Variants in DPP6 observed in about 807,000 individuals in gnomAD.
DPP6 encodes the protein A-type potassium channel modulatory protein DPP6.
DPP6 carries 69 observed loss-of-function variants against 122.6 expected under a neutral mutation model. The observed-to-expected ratio is 0.56, with a 90% CI of 0.46 to 0.69. The LOEUF (loss-of-function observed/expected upper bound fraction) is 0.69, where lower values mean the gene tolerates loss of function less well. Among genes scored for constraint, DPP6 ranks in the 30% least tolerant of loss-of-function variants. The pLI is 0.00. For missense variants in DPP6, 928 were observed against 1,116.9 expected, an observed-to-expected ratio of 0.83 and a Z score of 2.41; for synonymous variants, 418 against 433.1, an observed-to-expected ratio of 0.97 and a Z score of 0.43.
intron 1 of DPP6, among the ~76,000 whole-genome samples, chr7:154,233,899 C>T (rs1585695664): frequency 6.6e-6 from 1 of 152,198 alleles, no homozygotes; most frequent in Non-Finnish European, 1.5e-5. Flanking sequence ...TGATGATGCT[C>T]ATGACTACAG....
chr7:154,765,698 G>A (rs924388398), intron 8 of DPP6, among the ~76,000 whole-genome samples: 1 of 152,124 alleles, frequency 6.6e-6, no homozygotes, highest in African/African-American at 2.4e-5. Context: ...ATTGAACACC[G>A]ACTGTCCCCG....
chr7:154,859,913 C>T (rs1380352386), intron 17 of DPP6, among the ~76,000 whole-genome samples: 1 of 152,164 alleles, frequency 6.6e-6, no homozygotes, highest in African/African-American at 2.4e-5. Flanking sequence ...AGAAAGCGTG[C>T]GTGTGGCGGG....
chr7:154,874,865 C>A lies in DPP6; in HGVS notation c.1884-1041C>A, dbSNP rs181180828. 4.9e-3 allele frequency among the ~76,000 whole-genome samples: 747 copies of A among 152,346 alleles called. 4 individuals carry two copies. Among genetic ancestry groups the A allele is most frequent in the African/African-American group, 0.017 (713 of 41,582 alleles). On this transcript the variant is annotated intron_variant, in intron 19 of 25. Transcript: ENST00000377770. ...AGTATGCTGGTCAATGAGGAACAAC[C>A]AGTCCTGCATAGAAAATGGCCCTGT...
At chr7:154,284,184 CTG>C (rs1804704910) in intron 1 of DPP6, among the ~76,000 whole-genome samples, 1 of 152,090 alleles carries the variant, frequency 6.6e-6, no homozygotes, top group Non-Finnish European at 1.5e-5. Flanking sequence ...GTTGAGGGGA[CTG>C]TGAGATGCCT....
At chr7:153,929,871 A>G (rs759554797) in intron 1 of DPP6, among the ~76,000 whole-genome samples, 1 of 152,234 alleles carries the variant, frequency 6.6e-6, no homozygotes, top group Admixed American at 6.5e-5. Context: ...TTCATTTTCC[A>G]TAATTCTAAG....
intron 7 of DPP6, among the ~76,000 whole-genome samples, chr7:154,708,841 A>G (rs1277395906): frequency 6.6e-6 from 1 of 152,178 alleles, no homozygotes; most frequent in Non-Finnish European, 1.5e-5. Flanking sequence ...TGAGGTCAGG[A>G]GTTCGAGACC....
chr7:154,234,555 T>G (rs1801091748), intron 1 of DPP6, among the ~76,000 whole-genome samples: 1 of 152,102 alleles, frequency 6.6e-6, no homozygotes, highest in South Asian at 2.1e-4. Flanking sequence ...TTGAGGGGCT[T>G]AGATATTATC....
intron 1 of DPP6, among the ~76,000 whole-genome samples, chr7:154,404,460 A>G (rs1815900456): frequency 2.0e-5 from 3 of 152,320 alleles, no homozygotes; most frequent in South Asian, 4.1e-4. Context: ...ATTTACCACA[A>G]ATAAGAAGGA....
intron 1 of DPP6, among the ~76,000 whole-genome samples, chr7:154,444,749 G>T (rs2151286767): frequency 6.6e-6 from 1 of 152,354 alleles, no homozygotes; most frequent in Non-Finnish European, 1.5e-5. Flanking sequence ...GAAATGAAAA[G>T]CTGCTGAATT....
At chr7:154,430,015 G>A (rs1483046589) in intron 1 of DPP6, among the ~76,000 whole-genome samples, 5 of 152,066 alleles carry the variant, frequency 3.3e-5, no homozygotes, top group African/African-American at 9.7e-5. Flanking sequence ...AGAGTCAGAC[G>A]GCAAGTTTCC....
At chr7:154,399,518 T>C (rs909782888) in intron 1 of DPP6, among the ~76,000 whole-genome samples, 8 of 152,210 alleles carry the variant, frequency 5.3e-5, no homozygotes, top group Non-Finnish European at 7.3e-5. Context: ...GGATTAGAAA[T>C]TGGAACCTCC....
At chr7:154,510,892 T>G (rs1177580003) in intron 3 of DPP6, among the ~76,000 whole-genome samples, 2 of 150,020 alleles carry the variant, frequency 1.3e-5, no homozygotes, top group Non-Finnish European at 3.0e-5. Flanking sequence ...TCTCGTGCTC[T>G]CTCTCTCTCT....
At chr7:154,302,106 G>T (rs1304811398) in intron 1 of DPP6, among the ~76,000 whole-genome samples, 1 of 152,090 alleles carries the variant, frequency 6.6e-6, no homozygotes, top group Non-Finnish European at 1.5e-5. Flanking sequence ...TAGGTACAAG[G>T]TTGTACAGCA....
rs898215047 is a variant in DPP6 at position 154,578,463 on chromosome 7, G to A, written c.627+11547G>A. 6.6e-5 allele frequency among the ~76,000 whole-genome samples: 10 copies of A among 151,980 alleles called. No homozygotes were observed. The South Asian group carries it at 8.3e-4, about 13-fold the overall frequency. ...GAGCATTGAGAGAACCTTGGGTACC[G>A]TCCTGGCAGGCTGCGTGCAAGAGTA... On this transcript the variant is annotated intron_variant, in intron 5 of 25. Coordinates refer to ENST00000377770, the MANE Select transcript of DPP6 (RefSeq NM_130797.4).
chr7:153,971,632 A>C (rs1210104421), intron 1 of DPP6, among the ~76,000 whole-genome samples: 1 of 134,992 alleles, frequency 7.4e-6, no homozygotes, highest in Middle Eastern at 3.3e-3. Flanking sequence ...AAATGCCATA[A>C]ATTTCCTCTT....
chr7:153,783,167 A>G, the DPP6 span, among the ~76,000 whole-genome samples: 1 of 152,184 alleles, frequency 6.6e-6, no homozygotes, highest in African/African-American at 2.4e-5. Context: ...AGCAAGAAAT[A>G]GTGTGTATTA....
intron 2 of DPP6, among the ~76,000 whole-genome samples, chr7:154,451,482 C>A (rs2151298909): frequency 6.6e-6 from 1 of 152,294 alleles, no homozygotes; most frequent in South Asian, 2.1e-4. Flanking sequence ...AAGCTCAACT[C>A]CAGGCCTGGC....
In DPP6 at chr7:154,431,352, G is replaced by A. The variant is rs138779414; in HGVS notation, c.244-14862G>A. Among the ~76,000 whole-genome samples the A allele has an allele frequency of 2.2e-4, 33 of 152,206 alleles. No homozygotes were observed. The East Asian group carries it at 4.3e-3, about 20-fold the overall frequency. On this transcript the variant is annotated intron_variant, in intron 1 of 25. Transcript: ENST00000377770. ...TCCACACCACCCACAAAAGGCAGGC[G>A]GACAGTGGAAGAACACTCCAGGCCC...
chr7:154,445,547 C>T (rs1586294004), intron 1 of DPP6, among the ~76,000 whole-genome samples: 2 of 152,070 alleles, frequency 1.3e-5, no homozygotes, highest in Non-Finnish European at 2.9e-5. Context: ...GCCACTCTTG[C>T]TGCAGTGCAA....
Sources: allele counts gnomAD v4.1 joint callset (sites outside exome capture counted in the v4.1 genomes callset), GRCh38; gene constraint gnomAD v4.1.1; transcripts MANE v1.5; gene names NCBI Gene and HGNC (gene_info 2026-07-23, HGNC 2026-07-21).